The following FBXO47 variants were observed in gnomAD, a reference collection of about 807,000 sequenced individuals.
FBXO47 encodes F-box only protein 47.
FBXO47 carries 34 observed loss-of-function variants against 53.9 expected under a neutral mutation model. The ratio of observed to expected loss-of-function variants is 0.63; its 90% CI spans 0.48 to 0.84. The LOEUF (loss-of-function observed/expected upper bound fraction) is 0.84. Among genes scored for constraint, FBXO47 ranks in the 40% least tolerant of loss-of-function variants. FBXO47 has a pLI of 0.00. For missense variants in FBXO47, 485 were observed against 541.3 expected, an observed-to-expected ratio of 0.90 and a Z score of 1.03; for synonymous variants, 165 against 181.6, an observed-to-expected ratio of 0.91 and a Z score of 0.73.
Position 38,963,004 on chromosome 17 carries a change from T to C in FBXO47, c.22A>G (p.Asn8Asp), listed in dbSNP as rs770822384. The C allele has an allele frequency of 1.9e-6, 3 of 1,612,258 alleles. No individual in the cohort carries two copies. Among genetic ancestry groups the C allele is most frequent in the East Asian group, 2.2e-5 (1 of 44,860 alleles). The part of the protein sequence containing the change: MASRINT[N>D]FTLIPNQKLR... ...TTCTGGTTGGGAATCAAAGTGAAAT[T>C]TGTATTTATTCTGGATGCCATTCTT... The change falls in exon 2 of 11, where the codon AAT (asparagine) becomes GAT (aspartate). Residue 8 changes from asparagine (N) to aspartate (D), a missense_variant. By Grantham distance (23) the Asn-to-Asp change is conservative (BLOSUM62 1). Transcript: ENST00000378079.
chr17:38,958,565 G>C (rs528838009), intron 3 of FBXO47, among the ~76,000 whole-genome samples: 1 of 151,490 alleles, frequency 6.6e-6, no homozygotes, highest in South Asian at 2.1e-4. Context: ...AACTTTAAAC[G>C]TTCTATTTTC....
intron 5 of FBXO47, among the ~76,000 whole-genome samples, chr17:38,953,394 G>A (rs1226953993): frequency 2.0e-5 from 3 of 151,912 alleles, no homozygotes; most frequent in Admixed American, 2.0e-4. Context: ...GGAGGCTGAG[G>A]TGGGCAGATC....
chr17:38,939,232 G>A (rs1004867194), intron 9 of FBXO47, among the ~76,000 whole-genome samples: 7 of 134,380 alleles, frequency 5.2e-5, no homozygotes, highest in African/African-American at 2.0e-4. Flanking sequence ...GGCGGAGGAT[G>A]CAGTGAGCGG....
rs758650537 is a variant in FBXO47, at chr17:38,937,307, G to A, written c.1244-17C>T. On this transcript the variant is annotated splice_polypyrimidine_tract_variant and intron_variant, in intron 10 of 10. Coordinates refer to ENST00000378079, the MANE Select transcript of FBXO47 (RefSeq NM_001008777.3). Reference sequence around the variant, plus strand: ...CACGGTCTCCTATATGCCATACATAGTGGGGAAAAGAAAATGACAGTTAAA... The same window carrying A: ...CACGGTCTCCTATATGCCATACATAATGGGGAAAAGAAAATGACAGTTAAA... The A allele has an allele frequency of 1.9e-6, 2 of 1,059,984 alleles. No individual in the cohort carries two copies. The highest frequency in any genetic ancestry group is 2.8e-6 in the Non-Finnish European group (2 of 718,720). 65.7% of individuals were successfully genotyped at this position (1,059,984 alleles called of 1,614,324 possible). A position where few individuals can be genotyped will look rare whatever the true frequency, so the allele number is the denominator to read the frequency against.
Position 38,965,381 on chromosome 17 carries a change from C to T in FBXO47, c.-27+1848G>A, listed in dbSNP as rs566689508. ...TCCTTTCTACAAATTGCTAAAGTAA[C>T]ATTGTTACTTATACATCTTGAAATG... is the stretch of plus-strand genomic sequence containing the variant. On this transcript the variant is annotated intron_variant, in intron 1 of 10. Coordinates refer to ENST00000378079, the MANE Select transcript of FBXO47 (RefSeq NM_001008777.3). Among the ~76,000 whole-genome samples the T allele has an allele frequency of 2.6e-5, 4 of 152,186 alleles. No homozygotes were observed. The East Asian group carries it at 7.7e-4, about 29-fold the overall frequency.
chr17:38,962,835 CA>C lies in FBXO47; in HGVS notation c.181+9del. The C allele has an allele frequency of 4.4e-6, 7 of 1,601,348 alleles. No homozygotes were observed. Among genetic ancestry groups the C allele is most frequent in the Non-Finnish European group, 6.0e-6 (7 of 1,172,130 alleles). On this transcript the variant is annotated intron_variant, in intron 2 of 10. Coordinates refer to ENST00000378079, the MANE Select transcript of FBXO47 (RefSeq NM_001008777.3). ...CTTGTGTAGGCTATTCATAAGTTCC[CA>C]AACCTCACCTGACAAATATTTTAAA...
chr17:38,947,862 G>A (rs934557226), intron 6 of FBXO47, among the ~76,000 whole-genome samples: 5 of 152,108 alleles, frequency 3.3e-5, no homozygotes, highest in Non-Finnish European at 5.9e-5. Flanking sequence ...AGTGAGCTGA[G>A]ATCATACCAC....
intron 8 of FBXO47, 105 bp from the exon 9 acceptor site, chr17:38,943,025 G>T: frequency 9.6e-7 from 1 of 1,038,386 alleles, no homozygotes; most frequent in Non-Finnish European, 1.4e-6. Context: ...AATACAATTA[G>T]TGCCAAGGGA....
intron 9 of FBXO47, among the ~76,000 whole-genome samples, chr17:38,941,389 C>T (rs1040822218): frequency 5.3e-5 from 8 of 150,962 alleles, no homozygotes; most frequent in African/African-American, 1.5e-4. Context: ...AGGCTAGTTT[C>T]GAACTCCTGA....
chr17:38,939,848 T>A (rs1367640930), intron 9 of FBXO47, among the ~76,000 whole-genome samples: 1 of 150,226 alleles, frequency 6.7e-6, no homozygotes, highest in South Asian at 2.1e-4. Context: ...TTTGTATTTT[T>A]AGTAGAGACG....
At chr17:38,956,505 T>C (rs143178584) in intron 4 of FBXO47, among the ~76,000 whole-genome samples, 1,959 of 150,812 alleles carry the variant, frequency 0.013, 52 homozygotes, top group African/African-American at 0.046. Context: ...GGAGAATAGC[T>C]TGAACCCAGG....
intron 6 of FBXO47, among the ~76,000 whole-genome samples, chr17:38,946,502 A>ATAAC: frequency 1.8e-4 from 16 of 91,248 alleles, no homozygotes; most frequent in African/African-American, 6.6e-4. Context: ...ATGAATATAT[A>ATAAC]TAACTATATA....
intron 6 of FBXO47, among the ~76,000 whole-genome samples, chr17:38,947,107 C>CAT (rs376417023): frequency 0.047 from 4,263 of 90,310 alleles, 121 homozygotes; most frequent in South Asian, 0.15. Context: ...TATATATAAA[C>CAT]ATATATATAT....
Position 38,951,710 on chromosome 17 carries a change from A to G in FBXO47, c.508-21T>C, listed in dbSNP as rs187288200. 7.6e-5 allele frequency: 116 copies of G among 1,535,386 alleles called. No individual in the cohort carries two copies. In the African/African-American group the frequency reaches 9.5e-4, roughly 13 times the overall value. On this transcript the variant is annotated intron_variant, in intron 5 of 10. Coordinates refer to ENST00000378079, the MANE Select transcript of FBXO47 (RefSeq NM_001008777.3). ...AAGGTCTGAGGAAAATAAAGAAAAC[A>G]TTGTGGATATTCAGACTATCAAGTC... is the stretch of plus-strand genomic sequence containing the variant.
In FBXO47 at chr17:38,936,926, T is replaced by G. The variant is rs1434931266; in HGVS notation, c.*249A>C. 6.2e-6 allele frequency: 2 copies of G among 324,360 alleles called. No homozygotes were observed. The highest frequency in any genetic ancestry group is 4.3e-5 in the African/African-American group (2 of 46,722). 20.1% of individuals were successfully genotyped at this position (324,360 alleles called of 1,614,324 possible). ...CTAACATTCTATTTTGGTTTGGTGT[T>G]AGGTTGACTAAAACCCGGAGAGGCA... is the stretch of plus-strand genomic sequence containing the variant. On this transcript the variant is annotated 3_prime_UTR_variant, in exon 11 of 11. Coordinates refer to ENST00000378079, the MANE Select transcript of FBXO47 (RefSeq NM_001008777.3).
intron 6 of FBXO47, among the ~76,000 whole-genome samples, chr17:38,946,630 GAATATATA>G (rs1418164883): frequency 1.7e-4 from 1 of 5,798 alleles, no homozygotes. Context: ...AAATATATAT[GAATATATA>G]AATATATATA....
chr17:38,947,011 AAT>A (rs1258529365), intron 6 of FBXO47, among the ~76,000 whole-genome samples: 29 of 138,088 alleles, frequency 2.1e-4, no homozygotes, highest in Middle Eastern at 3.3e-3. Context: ...AATATATGTA[AAT>A]ATATATAAAC....
At position 38,938,619 on chromosome 17, in the gene FBXO47, A is replaced by C. The variant is rs770298267; in HGVS notation, c.1197T>G (p.Asn399Lys). The C allele has an allele frequency of 3.7e-6, 6 of 1,613,684 alleles. No individual in the cohort carries two copies. The highest frequency in any genetic ancestry group is 5.1e-6 in the Non-Finnish European group (6 of 1,179,884). The change falls in exon 10 of 11, where the codon AAT becomes AAG. Residue 399 changes from asparagine (N) to lysine (K), a missense_variant. Coordinates refer to ENST00000378079, the MANE Select transcript of FBXO47 (RefSeq NM_001008777.3). Reference protein sequence around the residue: ...ERKNFLQNVANAFACVIMEML... With the variant: ...ERKNFLQNVAKAFACVIMEML... ...TTTCCATTATAACACATGCAAATGC[A>C]TTTGCCACATTCTGCAGGAAGTTCT...
At chr17:38,963,110 G>T (rs564417448) in intron 1 of FBXO47, 59 bp from the exon 2 acceptor site, 7 of 1,128,074 alleles carry the variant, frequency 6.2e-6, no homozygotes, top group Admixed American at 2.3e-5. Context: ...GCAAGAAAGA[G>T]ATTTTTTTTT....
Sources: gnomAD v4.1 joint callset for allele counts (sites outside exome capture counted in the v4.1 genomes callset) on GRCh38, gnomAD v4.1.1 for gene constraint, MANE v1.5 for transcripts, NCBI Gene and HGNC (gene_info 2026-07-23, HGNC 2026-07-21) for gene names.